Variants in STAT5A observed in about 807,000 individuals in gnomAD.
STAT5A encodes epididymis secretory sperm binding protein.
A neutral mutation model predicts 100.2 loss-of-function variants in STAT5A; 26 were observed. The observed-to-expected ratio is 0.26, with a 90% CI of 0.19 to 0.36. The LOEUF is 0.36. Among genes scored for constraint, STAT5A ranks in the 10% least tolerant of loss-of-function variants. The pLI is 1.00. For missense variants in STAT5A, 634 were observed against 1,027.5 expected (o/e 0.62, Z 5.24); for synonymous variants, 330 against 424.3 (o/e 0.78, Z 2.73).
At chr17:42,292,086 G>T in intron 4 of STAT5A, 25 bp downstream of exon 4, 1 of 1,612,620 alleles carries the variant, frequency 6.2e-7, no homozygotes, top group Non-Finnish European at 8.5e-7. Context: ...GGGATGGGGA[G>T]GAGTGTTGAG....
chr17:42,310,634 G>T lies in STAT5A; in HGVS notation c.2350G>T (p.Gly784Cys), dbSNP rs139614126. ...SLDSRLSPPA[G>C]LFTSARGSLS is the part of the protein sequence containing the mutation. ...TGACTCCCGCCTCTCGCCCCCTGCC[G>T]GTCTTTTCACCTCTGCCAGAGGCTC... Residue 784 changes from glycine to cysteine, a missense_variant, in exon 19 of 19, where the codon GGT (glycine) becomes TGT (cysteine). Physicochemically the swap from Gly to Cys is radical, Grantham distance 159. Around this residue, in one of 5 missense-constraint regions of STAT5A, gnomAD observed 88 missense variants for 95.1 expected, o/e 0.92. Transcript: ENST00000590949. The T allele has an allele frequency of 6.2e-7, 1 of 1,614,176 alleles. No individual in the cohort carries two copies. Among genetic ancestry groups the T allele is most frequent in the Non-Finnish European group, 8.5e-7 (1 of 1,180,032 alleles).
At chr17:42,298,472 C>CTTTTTT (rs1165911823) in intron 5 of STAT5A, among the ~76,000 whole-genome samples, 3 of 127,070 alleles carry the variant, frequency 2.4e-5, no homozygotes, top group Non-Finnish European at 5.1e-5. Flanking sequence ...ATGATGGATA[C>CTTTTTT]TTTTTTTTTT....
intron 4 of STAT5A, among the ~76,000 whole-genome samples, chr17:42,292,635 T>G (rs558378489): frequency 7.0e-6 from 1 of 141,880 alleles, no homozygotes; most frequent in South Asian, 2.3e-4. Flanking sequence ...CCTACTGTTT[T>G]TTCCCCCCCG....
Position 42,308,415 on chromosome 17 carries a change from G to C in STAT5A, c.2062+82G>C. The C allele has an allele frequency of 6.3e-7, 1 of 1,597,180 alleles. No homozygotes were observed. Among genetic ancestry groups the C allele is most frequent in the Non-Finnish European group, 8.5e-7 (1 of 1,170,582 alleles). ...TAGACAAAGCCTTGGGCTGCGCCGT[G>C]GGGACTTCCCCAGGAGGAGCCTAGG... On this transcript the variant is annotated intron_variant, in intron 16 of 18. Coordinates refer to ENST00000590949, the MANE Select transcript of STAT5A (RefSeq NM_001288718.2). The surrounding 1 kb of genome is among the most constrained non-coding windows in gnomAD (Gnocchi z 4.6).
Position 42,301,937 on chromosome 17 carries a change from G to C in STAT5A, c.1169+483G>C, listed in dbSNP as rs77025767. On this transcript the variant is annotated intron_variant, in intron 9 of 18. Coordinates refer to ENST00000590949, the MANE Select transcript of STAT5A (RefSeq NM_001288718.2). Reference sequence around the variant, plus strand: ...TAATCCCAGCACTTTGGGAGGCCACGGTCGGAGGATCACTTGAGCCCAAAA... The same window carrying C: ...TAATCCCAGCACTTTGGGAGGCCACCGTCGGAGGATCACTTGAGCCCAAAA... 3.7e-3 allele frequency among the ~76,000 whole-genome samples: 561 copies of C among 152,270 alleles called. 9 individuals carry two copies. The highest frequency in any genetic ancestry group is 0.03 in the East Asian group (156 of 5,182).
chr17:42,302,936 G>A lies in STAT5A; in HGVS notation c.1170-1406G>A, dbSNP rs2080995031. 4.1e-5 allele frequency among the ~76,000 whole-genome samples: 6 copies of A among 147,646 alleles called. No individual in the cohort carries two copies. In the South Asian group the frequency reaches 1.3e-3, roughly 32 times the overall value. On this transcript the variant is annotated intron_variant, in intron 9 of 18. Coordinates refer to ENST00000590949, the MANE Select transcript of STAT5A (RefSeq NM_001288718.2). ...TGCCACTGCACTCCAGCCTATGACA[G>A]AGCAAGACTCTGTTTAAAAAAAAAA... is the stretch of plus-strand genomic sequence containing the variant.
At position 42,289,970 on chromosome 17, in the gene STAT5A, A is replaced by C; in HGVS notation, c.233A>C (p.Glu78Ala). 1 of 1,612,324 alleles carries C rather than the reference A, an allele frequency of 6.2e-7. No individual in the cohort carries two copies. The highest frequency in any genetic ancestry group is 1.1e-5 in the South Asian group (1 of 90,638). Residue 78 changes from glutamate (E) to alanine (A), a missense_variant, in exon 3 of 19, where the codon GAA becomes GCA. By Grantham distance (107) the Glu-to-Ala change is moderately radical. Around this residue, in one of 5 missense-constraint regions of STAT5A, gnomAD observed 207 missense variants for 256.6 expected, o/e 0.81. Coordinates refer to ENST00000590949, the MANE Select transcript of STAT5A (RefSeq NM_001288718.2). ...LQKKAEHQVG[E>A]DGFLLKIKLG... The stretch of plus-strand genomic sequence containing the variant: ...AAGAAGGCGGAGCACCAGGTGGGGG[A>C]AGATGGGTTTTTACTGAAGATCAAG...
At chr17:42,307,963 C>T (rs1021333665) in intron 15 of STAT5A, among the ~76,000 whole-genome samples, 3 of 152,220 alleles carry the variant, frequency 2.0e-5, no homozygotes, top group African/African-American at 7.2e-5. Flanking sequence ...GTTTCACGCT[C>T]TCCCCTCTCT....
rs2081052121 is a variant in STAT5A at position 42,308,655 on chromosome 17, C to T, written c.2062+322C>T. On this transcript the variant is annotated intron_variant, in intron 16 of 18. Transcript: ENST00000590949. This position sits in a 1 kb window ranked among gnomAD's most constrained non-coding sequence, Gnocchi z 4.6. ...CCCACAGATAGTGCTCCGCTCCCCA[C>T]CTCACCAGCTGCTCTCCACACCCTG... The T allele has an allele frequency of 2.0e-6, 1 of 490,722 alleles. No homozygotes were observed. Among genetic ancestry groups the T allele is most frequent in the African/African-American group, 1.9e-5 (1 of 51,774 alleles). The allele number at this position is 490,722 out of a possible 1,614,324, so 30.4% of individuals were successfully genotyped here.
At chr17:42,307,199 CCT>C (rs1218905460) in intron 13 of STAT5A, among the ~76,000 whole-genome samples, 1 of 152,144 alleles carries the variant, frequency 6.6e-6, no homozygotes, top group Non-Finnish European at 1.5e-5. Flanking sequence ...GTCTTGGACC[CCT>C]GTGTCTTAGA....
At chr17:42,302,622 C>A (rs1311345434) in intron 9 of STAT5A, among the ~76,000 whole-genome samples, 1 of 152,164 alleles carries the variant, frequency 6.6e-6, no homozygotes, top group Non-Finnish European at 1.5e-5. Flanking sequence ...TGGCCCCATC[C>A]CTTGTCATCC....
rs757956383 is a variant in STAT5A at position 42,295,601 on chromosome 17, C to T, written c.376-18C>T. Reference sequence around the variant, plus strand: ...CATCCTCTCTTCCCCGAGTTATTTCCATTCCATCTGTCTCCAGTGCAGCTC... The same window carrying T: ...CATCCTCTCTTCCCCGAGTTATTTCTATTCCATCTGTCTCCAGTGCAGCTC... On this transcript the variant is annotated intron_variant, in intron 4 of 18. Coordinates refer to ENST00000590949, the MANE Select transcript of STAT5A (RefSeq NM_001288718.2). 1.9e-6 allele frequency: 3 copies of T among 1,609,078 alleles called. No homozygotes were observed. Among genetic ancestry groups the T allele is most frequent in the Non-Finnish European group, 2.5e-6 (3 of 1,177,310 alleles).
chr17:42,305,814 C>A, intron 12 of STAT5A, 112 bp downstream of exon 12: 5 of 1,161,420 alleles, frequency 4.3e-6, no homozygotes, highest in Admixed American at 2.2e-5. Context: ...CCAGGGCCAG[C>A]CCAGAGGTGA....
intron 5 of STAT5A, 144 bp from the exon 6 acceptor site, chr17:42,299,607 C>T: frequency 7.2e-7 from 1 of 1,391,304 alleles, no homozygotes. Flanking sequence ...TCTTGGCCCC[C>T]CTGGCTGTCA....
chr17:42,289,565 C>T, intron 2 of STAT5A, 26 bp downstream of exon 2: 1 of 1,608,312 alleles, frequency 6.2e-7, no homozygotes, highest in Non-Finnish European at 8.5e-7. Context: ...CCTGCCCCTC[C>T]TCAGAGGGTC....
intron 1 of STAT5A, chr17:42,289,121 C>G: frequency 3.0e-6 from 1 of 331,134 alleles, no homozygotes; most frequent in Non-Finnish European, 5.5e-6. Context: ...GGCCGTCCCC[C>G]TCACTAGGGA....
chr17:42,291,118 G>T (rs774406311), intron 3 of STAT5A, among the ~76,000 whole-genome samples: 27 of 152,232 alleles, frequency 1.8e-4, no homozygotes, highest in Non-Finnish European at 3.1e-4. Flanking sequence ...GACAGTGACA[G>T]ATCACCAGGC....
Position 42,299,783 on chromosome 17 carries a change from C to G in STAT5A, c.583C>G (p.Gln195Glu). The change falls in exon 6 of 19, where the codon CAG (glutamine) becomes GAG (glutamate). Residue 195 changes from glutamine to glutamate, a missense_variant. Physicochemically the swap from Gln to Glu is conservative, Grantham distance 29 (BLOSUM62 2). This residue lies in a region of STAT5A where 207 missense variants were observed against 256.6 expected (regional missense o/e 0.81). Coordinates refer to ENST00000590949, the MANE Select transcript of STAT5A (RefSeq NM_001288718.2). ...QFAQLAQLSP[Q>E]ERLSRETALQ... is the part of the protein sequence containing the mutation. ...TGCCCAGCTGGCCCAGCTGAGCCCC[C>G]AGGAGCGTCTGAGCCGGGAGACGGC... The G allele has an allele frequency of 6.2e-7, 1 of 1,614,154 alleles. No individual in the cohort carries two copies. Among genetic ancestry groups the G allele is most frequent in the Non-Finnish European group, 8.5e-7 (1 of 1,180,018 alleles).
rs768352237 is a variant in STAT5A at position 42,308,226 on chromosome 17, C to T, written c.1955C>T (p.Ser652Phe). Residue 652 changes from serine (S) to phenylalanine (F), a missense_variant, in exon 16 of 19, where the codon TCC becomes TTC. Transcript: ENST00000590949. The surrounding 1 kb of genome is among the most constrained non-coding windows in gnomAD (Gnocchi z 4.6). The part of the protein sequence containing the change: ...NLKPFTTRDF[S>F]IRSLADRLGD... ...AAACCATTCACCACGCGGGATTTCT[C>T]CATCAGGTCCCTGGCTGACCGGCTG... 5.0e-6 allele frequency: 8 copies of T among 1,614,128 alleles called. No homozygotes were observed. The South Asian group carries it at 8.8e-5, about 18-fold the overall frequency.
Sources: allele counts gnomAD v4.1 joint callset (sites outside exome capture counted in the v4.1 genomes callset), GRCh38; gene constraint gnomAD v4.1.1; regional missense constraint gnomAD v4.1.1; non-coding constraint Gnocchi (gnomAD v3.1); transcripts MANE v1.5; gene names NCBI Gene and HGNC (gene_info 2026-07-23, HGNC 2026-07-21).